The following SNTG1 variants were observed in gnomAD, a reference collection of about 807,000 sequenced individuals.
The protein encoded by SNTG1 is syntrophin gamma 1.
A neutral mutation model predicts 74.7 loss-of-function variants in SNTG1; 39 were observed. That is an observed-to-expected ratio of 0.52 (90% CI 0.40 to 0.68). SNTG1 has a LOEUF of 0.68. Ranked by LOEUF, SNTG1 falls within the 30% of genes least tolerant of loss-of-function variation. The pLI is 0.00. For synonymous variants in SNTG1, 254 were observed against 217.1 expected (o/e 1.17, Z -1.49); for missense variants, 685 against 609.5 (o/e 1.12, Z -1.30).
At chr8:50,059,380 C>A (rs1264165058) in intron 1 of SNTG1, among the ~76,000 whole-genome samples, 1 of 152,046 alleles carries the variant, frequency 6.6e-6, no homozygotes, top group Non-Finnish European at 1.5e-5. Context: ...TCGTTTGAAG[C>A]ATACAATTTA....
intron 1 of SNTG1, among the ~76,000 whole-genome samples, chr8:49,990,671 T>C (rs1288268101): frequency 6.6e-6 from 1 of 152,134 alleles, no homozygotes; most frequent in Non-Finnish European, 1.5e-5. Flanking sequence ...TTATGGTAAA[T>C]CTATTTTCAA....
chr8:50,655,050 T>G (rs2095171570), intron 13 of SNTG1, among the ~76,000 whole-genome samples: 1 of 152,200 alleles, frequency 6.6e-6, no homozygotes, highest in African/African-American at 2.4e-5. Flanking sequence ...TATTAATGAT[T>G]AACCTCTCTC....
At chr8:50,036,531 A>T (rs1818181252) in intron 1 of SNTG1, among the ~76,000 whole-genome samples, 1 of 152,114 alleles carries the variant, frequency 6.6e-6, no homozygotes, top group Admixed American at 6.5e-5. Context: ...GCACTCTATC[A>T]TCCCAGCTGT....
chr8:50,156,533 C>G (rs1337856586), intron 1 of SNTG1, among the ~76,000 whole-genome samples: 1 of 151,742 alleles, frequency 6.6e-6, no homozygotes, highest in Non-Finnish European at 1.5e-5. Context: ...TAATGTGAAT[C>G]TGTATGTATA....
At chr8:50,762,290 G>C (rs1313901874) in intron 18 of SNTG1, among the ~76,000 whole-genome samples, 1 of 151,948 alleles carries the variant, frequency 6.6e-6, no homozygotes, top group Admixed American at 6.6e-5. Flanking sequence ...TACTGAATTG[G>C]AATTACTATT....
At chr8:50,149,960 A>G (rs1354037417) in intron 1 of SNTG1, among the ~76,000 whole-genome samples, 1 of 152,174 alleles carries the variant, frequency 6.6e-6, no homozygotes, top group East Asian at 1.9e-4. Flanking sequence ...TGGGGATGGC[A>G]TTGAATCTAT....
intron 8 of SNTG1, among the ~76,000 whole-genome samples, chr8:50,487,538 G>A (rs2093807886): frequency 6.6e-6 from 1 of 152,236 alleles, no homozygotes; most frequent in Middle Eastern, 3.4e-3. Context: ...GTCTTTGGAG[G>A]GACATGGATG....
chr8:50,300,437 T>G (rs1045689634), intron 2 of SNTG1, among the ~76,000 whole-genome samples: 1 of 152,104 alleles, frequency 6.6e-6, no homozygotes, highest in Non-Finnish European at 1.5e-5. Context: ...GCCCAGCCAA[T>G]AAGTTTTCAA....
At chr8:50,107,534 A>G (rs1399824135) in intron 1 of SNTG1, among the ~76,000 whole-genome samples, 1 of 151,974 alleles carries the variant, frequency 6.6e-6, no homozygotes, top group Non-Finnish European at 1.5e-5. Flanking sequence ...GGTTAAAATA[A>G]CATAAATGCG....
intron 18 of SNTG1, among the ~76,000 whole-genome samples, chr8:50,765,570 G>A (rs1295010773): frequency 1.3e-5 from 2 of 151,888 alleles, no homozygotes; most frequent in Non-Finnish European, 2.9e-5. Context: ...CTTAGGAAGA[G>A]GAATAAGGAA....
chr8:50,577,750 T>C (rs1193687285), intron 12 of SNTG1, among the ~76,000 whole-genome samples: 1 of 152,214 alleles, frequency 6.6e-6, no homozygotes, highest in East Asian at 1.9e-4. Flanking sequence ...TGATTTCCAT[T>C]ATTGTTGCAC....
At chr8:50,232,229 A>C (rs10113812) in intron 2 of SNTG1, among the ~76,000 whole-genome samples, 42,196 of 151,238 alleles carry the variant, frequency 0.28, 5,938 homozygotes, top group South Asian at 0.37. Flanking sequence ...AGAATTAAGC[A>C]ACATATATAG....
At chr8:50,597,042 C>T (rs533067178) in intron 13 of SNTG1, among the ~76,000 whole-genome samples, 5 of 151,960 alleles carry the variant, frequency 3.3e-5, no homozygotes, top group African/African-American at 1.2e-4. Context: ...TTTGTACCCA[C>T]AGGCGAACCT....
intron 2 of SNTG1, among the ~76,000 whole-genome samples, chr8:50,243,159 T>C (rs1355743797): frequency 9.4e-6 from 1 of 106,292 alleles, no homozygotes; most frequent in East Asian, 3.1e-4. Context: ...TATGTTCAGA[T>C]AAATGAGTCC....
Position 49,959,507 on chromosome 8 carries a change from C to T in SNTG1, c.-103+47276C>T, listed in dbSNP as rs567356713. ...TCTGCTTTCTGTCTGTATAGATTTG[C>T]CTATTTTGGACATTTCATATAAATG... On this transcript the variant is annotated intron_variant, in intron 1 of 18. Coordinates refer to ENST00000642720, the MANE Select transcript of SNTG1 (RefSeq NM_018967.5). Among the ~76,000 whole-genome samples, 11 of 152,262 alleles carry T rather than the reference C, an allele frequency of 7.2e-5. 1 individual carries two copies. The South Asian group carries it at 1.9e-3, about 26-fold the overall frequency.
Position 50,333,598 on chromosome 8 carries a change from A to G in SNTG1, c.-27-60614A>G, listed in dbSNP as rs1420926996. Among the ~76,000 whole-genome samples, 10 of 152,334 alleles carry G rather than the reference A, an allele frequency of 6.6e-5. No homozygotes were observed. In the East Asian group the frequency reaches 1.9e-3, roughly 29 times the overall value. The stretch of plus-strand genomic sequence containing the variant: ...AACAGCATTACCTAGCAGTAGCAAA[A>G]CATTTCTTATGGAAGAGGAACAAAT... On this transcript the variant is annotated intron_variant, in intron 2 of 18. Coordinates refer to ENST00000642720, the MANE Select transcript of SNTG1 (RefSeq NM_018967.5).
At chr8:50,398,542 A>C (rs1336336529) in intron 3 of SNTG1, among the ~76,000 whole-genome samples, 1 of 152,118 alleles carries the variant, frequency 6.6e-6, no homozygotes. Context: ...TATCCTCCAT[A>C]AACTCCCTTC....
intron 18 of SNTG1, among the ~76,000 whole-genome samples, chr8:50,781,611 A>G (rs1343379358): frequency 6.6e-6 from 1 of 152,000 alleles, no homozygotes; most frequent in Non-Finnish European, 1.5e-5. Flanking sequence ...TGCATGTGAG[A>G]TGGGTTTCCT....
chr8:50,711,302 A>G (rs1206989072), intron 17 of SNTG1, among the ~76,000 whole-genome samples: 1 of 152,164 alleles, frequency 6.6e-6, no homozygotes, highest in Non-Finnish European at 1.5e-5. Context: ...TTAAGACTAT[A>G]TGTCCAAGAG....
Sources: allele counts gnomAD v4.1 joint callset (sites outside exome capture counted in the v4.1 genomes callset), GRCh38; gene constraint gnomAD v4.1.1; transcripts MANE v1.5; gene names NCBI Gene and HGNC (gene_info 2026-07-23, HGNC 2026-07-21).